Variants in EHD2 observed in about 807,000 individuals in gnomAD.
EHD2 encodes EH domain containing 2.
In EHD2, 27 loss-of-function variants were observed where a neutral mutation model predicts 41.0. That is an observed-to-expected ratio of 0.66 (90% CI 0.49 to 0.91). The LOEUF is 0.91. Ranked by LOEUF, EHD2 falls within the 40% of genes least tolerant of loss-of-function variation. EHD2 has a pLI of 0.00. For synonymous variants in EHD2, 342 were observed against 341.0 expected (o/e 1.00, Z -0.03); for missense variants, 673 against 773.9 (o/e 0.87, Z 1.55).
chr19:47,716,704 C>A lies in EHD2; in HGVS notation c.92C>A (p.Thr31Lys). The A allele has an allele frequency of 6.2e-7, 1 of 1,612,548 alleles. No individual in the cohort carries two copies. The highest frequency in any genetic ancestry group is 1.1e-5 in the South Asian group (1 of 90,956). ...TCGGCCCTCAAGGAGCTGTACCGCA[C>A]GAAGCTGCTGCCGCTGGAGGAGCAC... is the stretch of plus-strand genomic sequence containing the variant. ...VTSALKELYR[T>K]KLLPLEEHYR... The change falls in exon 2 of 6, where the codon ACG becomes AAG. Residue 31 changes from threonine to lysine, a missense_variant. By Grantham distance (78) the Thr-to-Lys change is moderately conservative. Transcript: ENST00000263277.
In EHD2 at chr19:47,742,039, C is replaced by T. The variant is rs577001956; in HGVS notation, c.*607C>T. ...GACCATGGGGGGCTCAGAGGGGAGA[C>T]ACACCTACTGCTTCCTCAGATGGGC... On this transcript the variant is annotated 3_prime_UTR_variant, in exon 6 of 6. Transcript: ENST00000263277. 7.8e-5 allele frequency: 34 copies of T among 437,164 alleles called. No homozygotes were observed. In the East Asian group the frequency reaches 2.3e-3, roughly 30 times the overall value. 27.1% of individuals were successfully genotyped at this position (437,164 alleles called of 1,614,324 possible).
rs545048592 is a variant in EHD2 at position 47,735,574 on chromosome 19, GGTGATAGAGCGAGAC to G, written c.916-794_916-780del. 5.2e-3 allele frequency among the ~76,000 whole-genome samples: 795 copies of G among 152,006 alleles called. 5 individuals are homozygous for G. The highest frequency in any genetic ancestry group is 0.018 in the African/African-American group (733 of 41,404). On this transcript the variant is annotated intron_variant, in intron 4 of 5. Transcript: ENST00000263277. ...GATCGCACCACTGCACTCCTGGCTG[GGTGATAGAGCGAGAC>G]CCTGTCTCCAAAAAAAAAAGAAAAA...
At chr19:47,731,747 C>T (rs1041272439) in intron 4 of EHD2, among the ~76,000 whole-genome samples, 10 of 151,596 alleles carry the variant, frequency 6.6e-5, no homozygotes, top group African/African-American at 2.4e-5. Flanking sequence ...AGGCAACCCC[C>T]ATAAGTAGTT....
chr19:47,741,421 T>C lies in EHD2; in HGVS notation c.1621T>C (p.Ser541Pro). The C allele has an allele frequency of 6.5e-7, 1 of 1,550,080 alleles. No individual in the cohort carries two copies. Among genetic ancestry groups the C allele is most frequent in the Non-Finnish European group, 8.6e-7 (1 of 1,161,366 alleles). Residue 541 changes from serine to proline, a missense_variant, in exon 6 of 6, where the codon TCC becomes CCC. By Grantham distance (74) the Ser-to-Pro change is moderately conservative. Transcript: ENST00000263277. This position sits in a 1 kb window ranked among gnomAD's most constrained non-coding sequence, Gnocchi z 4.5. ...ACCCTCCAAGCGACGCCACAAGGGCTCCGCCGAGTGAGCCGGCCCCCCTCC... is the reference window on the plus strand; with the variant it reads ...ACCCTCCAAGCGACGCCACAAGGGCCCCGCCGAGTGAGCCGGCCCCCCTCC... Reference protein sequence around the residue: ...VPPSKRRHKGSAE With the variant: ...VPPSKRRHKGPAE
In EHD2 at chr19:47,718,654, T is replaced by A. The variant is rs781159456; in HGVS notation, c.502+48T>A. On this transcript the variant is annotated intron_variant, in intron 3 of 5. Coordinates refer to ENST00000263277, the MANE Select transcript of EHD2 (RefSeq NM_014601.4). ...GTCTGAGGGAGGAGGGGCTGGGGCC[T>A]GGACTCCTGGGTCTGAGGGAGGAGG... is the stretch of plus-strand genomic sequence containing the variant. 27 of 1,457,716 alleles carry A rather than the reference T, an allele frequency of 1.9e-5. 1 individual carries two copies. The Admixed American group carries it at 5.3e-4, about 29-fold the overall frequency. The allele number at this position is 1,457,716 out of a possible 1,614,324, so 90.3% of individuals were successfully genotyped here. A position where few individuals can be genotyped will look rare whatever the true frequency, so the allele number is the denominator to read the frequency against.
At chr19:47,733,597 G>T (rs1355024627) in intron 4 of EHD2, among the ~76,000 whole-genome samples, 1 of 151,090 alleles carries the variant, frequency 6.6e-6, no homozygotes, top group Non-Finnish European at 1.5e-5. Flanking sequence ...AACCCGGGAG[G>T]TGGAGCTTGC....
chr19:47,725,753 T>G, intron 3 of EHD2, 59 bp from the exon 4 acceptor site: 1 of 1,526,472 alleles, frequency 6.6e-7, no homozygotes. Context: ...TGAGAATGGC[T>G]GGAGGGTGGG....
intron 3 of EHD2, among the ~76,000 whole-genome samples, chr19:47,723,561 C>G (rs8102881): frequency 0.092 from 13,308 of 145,414 alleles, 794 homozygotes; most frequent in East Asian, 0.29. Flanking sequence ...GAGGCTGAGG[C>G]AGGAGAATTG....
Position 47,722,348 on chromosome 19 carries a change from G to C in EHD2, c.503-3464G>C, listed in dbSNP as rs146005345. Among the ~76,000 whole-genome samples the C allele has an allele frequency of 4.4e-3, 672 of 152,218 alleles. 3 individuals carry two copies. Among genetic ancestry groups the C allele is most frequent in the Non-Finnish European group, 7.4e-3 (503 of 68,018 alleles). On this transcript the variant is annotated intron_variant, in intron 3 of 5. Coordinates refer to ENST00000263277, the MANE Select transcript of EHD2 (RefSeq NM_014601.4). ...GTTTGTGGAGACACCGGGAGGGAGG[G>C]GGGGCTCCAGTTGCTGTCCCTCCAG... is the stretch of plus-strand genomic sequence containing the variant.
rs780876491 is a variant in EHD2 at position 47,741,172 on chromosome 19, T to C, written c.1372T>C (p.Tyr458His). Reference protein sequence around the residue: ...KDKSKYDEIFYNLAPADGKLS... With the variant: ...KDKSKYDEIFHNLAPADGKLS... ...CAAGTCCAAATACGACGAGATCTTC[T>C]ACAACCTGGCGCCTGCCGACGGCAA... Residue 458 changes from tyrosine to histidine, a missense_variant, in exon 6 of 6, where the codon TAC becomes CAC. Transcript: ENST00000263277. The surrounding 1 kb of genome is among the most constrained non-coding windows in gnomAD (Gnocchi z 4.5). 1 of 1,613,672 alleles carries C rather than the reference T, an allele frequency of 6.2e-7. No individual in the cohort carries two copies. The highest frequency in any genetic ancestry group is 1.7e-5 in the Admixed American group (1 of 60,022).
At chr19:47,733,825 T>C (rs1476361191) in intron 4 of EHD2, among the ~76,000 whole-genome samples, 3 of 132,828 alleles carry the variant, frequency 2.3e-5, no homozygotes, top group Admixed American at 8.2e-5. Flanking sequence ...AAAAAGCGAA[T>C]AACGTCTTAG....
chr19:47,717,939 C>T (rs1973647720), intron 2 of EHD2, among the ~76,000 whole-genome samples: 2 of 142,918 alleles, frequency 1.4e-5, no homozygotes, highest in Admixed American at 1.4e-4. Context: ...GGATCAGGAT[C>T]ACCATGGTCT....
At chr19:47,732,079 A>C (rs1219431565) in intron 4 of EHD2, 1 of 150,820 alleles carries the variant, frequency 6.6e-6, no homozygotes, top group Non-Finnish European at 1.5e-5. Flanking sequence ...GATATACTGT[A>C]ATCACGCCCG....
At chr19:47,738,046 A>C (rs1473536335) in intron 5 of EHD2, among the ~76,000 whole-genome samples, 2 of 151,492 alleles carry the variant, frequency 1.3e-5, no homozygotes, top group African/African-American at 4.9e-5. Flanking sequence ...ACGTACAGAT[A>C]ATTTTTCATA....
intron 5 of EHD2, among the ~76,000 whole-genome samples, chr19:47,740,251 C>T (rs886838711): frequency 4.0e-5 from 6 of 151,852 alleles, no homozygotes; most frequent in African/African-American, 1.4e-4. Flanking sequence ...CCTATAGTCC[C>T]AGCGAATTGC....
chr19:47,717,655 C>A (rs1973643326), intron 2 of EHD2, among the ~76,000 whole-genome samples: 1 of 152,058 alleles, frequency 6.6e-6, no homozygotes, highest in African/African-American at 2.4e-5. Flanking sequence ...ACCTGTAATC[C>A]CAGCGCTTTG....
At chr19:47,727,964 C>T (rs7251221) in intron 4 of EHD2, among the ~76,000 whole-genome samples, 8,288 of 151,702 alleles carry the variant, frequency 0.055, 774 homozygotes, top group African/African-American at 0.19. Context: ...GGTGTGGTGG[C>T]GGGCACCTGT....
At position 47,726,163 on chromosome 19, in the gene EHD2, T is replaced by A. The variant is rs1386633865; in HGVS notation, c.854T>A (p.Leu285Gln). 5.7e-6 allele frequency: 9 copies of A among 1,577,598 alleles called. No homozygotes were observed. Among genetic ancestry groups the A allele is most frequent in the Non-Finnish European group, 7.7e-6 (9 of 1,163,144 alleles). The change falls in exon 4 of 6, where the codon CTG becomes CAG. Residue 285 changes from leucine (L) to glutamine (Q), a missense_variant. Leu to Gln is a moderately radical substitution (Grantham distance 113). Coordinates refer to ENST00000263277, the MANE Select transcript of EHD2 (RefSeq NM_014601.4). ...EQDLFRDIQG[L>Q]PRHAALRKLN... ...GACCTCTTCCGCGACATCCAGGGCC[T>A]GCCCCGGCACGCAGCCTTGCGCAAG... is the stretch of plus-strand genomic sequence containing the variant.
At chr19:47,726,264 G>C (rs370690163) in intron 4 of EHD2, 40 bp downstream of exon 4, 30 of 1,452,392 alleles carry the variant, frequency 2.1e-5, no homozygotes, top group Non-Finnish European at 2.5e-5. Flanking sequence ...TCTTGGAGGA[G>C]GTTTCCTCGG....
Sources: gnomAD v4.1 joint callset for allele counts (sites outside exome capture counted in the v4.1 genomes callset) on GRCh38, gnomAD v4.1.1 for gene constraint, Gnocchi (gnomAD v3.1) non-coding constraint, MANE v1.5 for transcripts, NCBI Gene and HGNC (gene_info 2026-07-23, HGNC 2026-07-21) for gene names.